Variants in EFCAB11 observed in about 807,000 individuals in gnomAD.
EFCAB11 encodes EF-hand calcium-binding domain-containing protein 11.
EFCAB11 carries 14 observed loss-of-function variants against 23.0 expected under a neutral mutation model. The observed-to-expected ratio is 0.61, with a 90% CI of 0.40 to 0.95. The LOEUF (loss-of-function observed/expected upper bound fraction) is 0.95, where lower values mean the gene tolerates loss of function less well. EFCAB11 is among the 40% of genes least tolerant of loss of function. EFCAB11 has a pLI of 0.00. For synonymous variants in EFCAB11, 65 were observed against 66.6 expected, an observed-to-expected ratio of 0.98 and a Z score of 0.11; for missense variants, 198 against 195.8, an observed-to-expected ratio of 1.01 and a Z score of -0.07.
At chr14:89,872,782 G>GACACACAC (rs141688592) in intron 5 of EFCAB11, among the ~76,000 whole-genome samples, 40 of 149,542 alleles carry the variant, frequency 2.7e-4, no homozygotes, top group Non-Finnish European at 5.3e-4. Flanking sequence ...AAGAGATTAG[G>GACACACAC]ACACACACAC....
chr14:89,849,978 G>A (rs1159387103), intron 5 of EFCAB11, among the ~76,000 whole-genome samples: 1 of 151,986 alleles, frequency 6.6e-6, no homozygotes, highest in Non-Finnish European at 1.5e-5. Context: ...CTCAGGTTAG[G>A]AAAGCAATCC....
chr14:89,878,213 C>T (rs908899621), intron 5 of EFCAB11, among the ~76,000 whole-genome samples: 5 of 152,218 alleles, frequency 3.3e-5, no homozygotes, highest in African/African-American at 9.6e-5. Flanking sequence ...TAGATGACCC[C>T]TGTGGTAGTG....
At chr14:89,876,839 C>G (rs550826388) in intron 5 of EFCAB11, among the ~76,000 whole-genome samples, 43 of 152,298 alleles carry the variant, frequency 2.8e-4, no homozygotes, top group African/African-American at 1.0e-3. Context: ...GAAGCCCAAC[C>G]AACACTGAAT....
At chr14:89,933,422 GTT>G (rs1172625893) in intron 3 of EFCAB11, among the ~76,000 whole-genome samples, 2 of 148,654 alleles carry the variant, frequency 1.3e-5, no homozygotes, top group Non-Finnish European at 3.0e-5. Flanking sequence ...AATTATCACT[GTT>G]TTAAAAATAG....
rs1888993849 is a variant in EFCAB11, at chr14:89,892,213, G to A, written c.410+39328C>T. 5.0e-6 allele frequency: 8 copies of A among 1,601,712 alleles called. No homozygotes were observed. The Middle Eastern group carries it at 5.0e-4, about 99-fold the overall frequency. ...AGAGCACCCGCTGTGTCTCAGCCCAGGAGGCCGAGGAGCTAGCTGCCTCCC... is the reference window on the plus strand; with the variant it reads ...AGAGCACCCGCTGTGTCTCAGCCCAAGAGGCCGAGGAGCTAGCTGCCTCCC... On this transcript the variant is annotated intron_variant, in intron 5 of 5. Transcript: ENST00000316738.
At chr14:89,896,081 C>T (rs934641250) in intron 5 of EFCAB11, among the ~76,000 whole-genome samples, 3 of 152,084 alleles carry the variant, frequency 2.0e-5, no homozygotes, top group Admixed American at 6.6e-5. Context: ...CCCACTCAAC[C>T]GGGAAAGATT....
chr14:89,833,122 T>C (rs1378404399), intron 5 of EFCAB11: 1 of 151,548 alleles, frequency 6.6e-6, no homozygotes, highest in African/African-American at 2.4e-5. Context: ...AATGGAATCT[T>C]GACTTTTTAT....
intron 5 of EFCAB11, among the ~76,000 whole-genome samples, chr14:89,853,085 C>T (rs936096323): frequency 6.6e-6 from 1 of 152,108 alleles, no homozygotes; most frequent in African/African-American, 2.4e-5. Flanking sequence ...TTTTACATTC[C>T]ATCTGTTTGC....
intron 5 of EFCAB11, chr14:89,924,227 C>T: frequency 3.0e-6 from 3 of 989,984 alleles, no homozygotes; most frequent in Non-Finnish European, 2.4e-6. Context: ...GTCCTATGTC[C>T]TTTGACCTTC....
intron 2 of EFCAB11, among the ~76,000 whole-genome samples, chr14:89,951,202 C>G (rs752013718): frequency 6.6e-6 from 1 of 152,156 alleles, no homozygotes; most frequent in Non-Finnish European, 1.5e-5. Context: ...GTGTTCCAAT[C>G]GAAACTCACT....
intron 5 of EFCAB11, among the ~76,000 whole-genome samples, chr14:89,854,032 G>C (rs1024439862): frequency 2.0e-5 from 3 of 152,028 alleles, no homozygotes; most frequent in Non-Finnish European, 4.4e-5. Context: ...GAGAGAGCAA[G>C]AGTGCCAGCA....
intron 3 of EFCAB11, among the ~76,000 whole-genome samples, chr14:89,937,620 G>A (rs559138517): frequency 1.2e-4 from 19 of 152,026 alleles, no homozygotes; most frequent in Non-Finnish European, 2.4e-4. Flanking sequence ...CCACCTCCTG[G>A]GTTCAAGCGA....
rs375428732 is a variant in EFCAB11 at position 89,864,371 on chromosome 14, TG to T, written c.411-67048del. Among the ~76,000 whole-genome samples the T allele has an allele frequency of 4.6e-5, 7 of 152,308 alleles. No individual in the cohort carries two copies. In the East Asian group the frequency reaches 1.2e-3, roughly 25 times the overall value. On this transcript the variant is annotated intron_variant, in intron 5 of 5. Coordinates refer to ENST00000316738, the MANE Select transcript of EFCAB11 (RefSeq NM_145231.4). ...AAAAACAATTCCTCTCCCATCTGTT[TG>T]CTGATGCCCATGTTTCTTTCTCTTT...
At chr14:89,849,473 A>G (rs1478446473) in intron 5 of EFCAB11, among the ~76,000 whole-genome samples, 2 of 152,224 alleles carry the variant, frequency 1.3e-5, no homozygotes, top group Non-Finnish European at 2.9e-5. Flanking sequence ...ATCTACATGG[A>G]AAAGAATCTA....
chr14:89,814,539 T>C (rs915098800), intron 5 of EFCAB11, among the ~76,000 whole-genome samples: 2 of 152,042 alleles, frequency 1.3e-5, no homozygotes, highest in Admixed American at 6.6e-5. Flanking sequence ...ATGCCGTCTC[T>C]ACTAAAAATA....
chr14:89,864,486 G>A (rs956787581), intron 5 of EFCAB11, among the ~76,000 whole-genome samples: 4 of 151,708 alleles, frequency 2.6e-5, no homozygotes, highest in Non-Finnish European at 5.9e-5. Flanking sequence ...GTACAGTGGT[G>A]CAATCATGGC....
intron 5 of EFCAB11, among the ~76,000 whole-genome samples, chr14:89,867,681 A>G (rs1415891425): frequency 6.6e-6 from 1 of 152,220 alleles, no homozygotes; most frequent in Non-Finnish European, 1.5e-5. Context: ...GCCTCTGGGA[A>G]GATTAAGGAA....
At chr14:89,858,821 T>G (rs1409864766) in intron 5 of EFCAB11, among the ~76,000 whole-genome samples, 1 of 152,110 alleles carries the variant, frequency 6.6e-6, no homozygotes, top group Non-Finnish European at 1.5e-5. Context: ...ATAGTTTTCT[T>G]AGTTAAAAAA....
At chr14:89,798,233 T>C (rs994766397) in intron 5 of EFCAB11, among the ~76,000 whole-genome samples, 1 of 152,262 alleles carries the variant, frequency 6.6e-6, no homozygotes, top group African/African-American at 2.4e-5. Context: ...ATAATGGTTC[T>C]GGATAGAGTG....
Sources: gnomAD v4.1 joint callset for allele counts (sites outside exome capture counted in the v4.1 genomes callset) on GRCh38, gnomAD v4.1.1 for gene constraint, MANE v1.5 for transcripts, NCBI Gene and HGNC (gene_info 2026-07-23, HGNC 2026-07-21) for gene names.